The following RTL1 variants were observed in gnomAD, a reference collection of about 807,000 sequenced individuals.
RTL1 encodes retrotransposon Gag like 1, also known as retrotransposon-like protein 1.
For synonymous variants in RTL1, 727 were observed against 748.4 expected, an observed-to-expected ratio of 0.97 and a Z score of 0.47; for missense variants, 1,681 against 1,767.5, an observed-to-expected ratio of 0.95 and a Z score of 0.88.
In RTL1 at chr14:100,883,499, A is replaced by C; in HGVS notation, c.1290T>G (p.Asp430Glu). Residue 430 changes from aspartate to glutamate, a missense_variant, in exon 4 of 4, where the codon GAT (aspartate) becomes GAG (glutamate). By Grantham distance (45) the Asp-to-Glu change is conservative. Coordinates refer to ENST00000649591, the MANE Select transcript of RTL1 (RefSeq NM_001134888.3). This position sits in a 1 kb window ranked among gnomAD's most constrained non-coding sequence, Gnocchi z 5.9. ...CCATGAAGTTGCCGTCAGCTCCCGA[A>C]TCCACCAGGGCCTGGACCGCGACGC... is the stretch of plus-strand genomic sequence containing the variant. ...YHSVAVQALV[D>E]SGADGNFMDE... 6.4e-7 allele frequency: 1 copy of C among 1,551,438 alleles called. No individual in the cohort carries two copies. Among genetic ancestry groups the C allele is most frequent in the Non-Finnish European group, 8.7e-7 (1 of 1,146,966 alleles).
rs913432146 is a variant in RTL1, at chr14:100,881,476, G to C, written c.3313C>G (p.Leu1105Val). 1 of 1,551,284 alleles carries C rather than the reference G, an allele frequency of 6.4e-7. No homozygotes were observed. Among genetic ancestry groups the C allele is most frequent in the Non-Finnish European group, 8.7e-7 (1 of 1,146,980 alleles). ...ILVLLRVRQC[L>V]SLRPAPAMRV... ...ATGGCGGGTGCCGGCCGCAGCGAGAGGCATTGCCTCACGCGCAGTAGCACG... is the reference window on the plus strand; with the variant it reads ...ATGGCGGGTGCCGGCCGCAGCGAGACGCATTGCCTCACGCGCAGTAGCACG... Residue 1105 changes from leucine (L) to valine (V), a missense_variant, in exon 4 of 4, where the codon CTC becomes GTC. Physicochemically the swap from Leu to Val is conservative, Grantham distance 32. Coordinates refer to ENST00000649591, the MANE Select transcript of RTL1 (RefSeq NM_001134888.3). The surrounding 1 kb of genome is among the most constrained non-coding windows in gnomAD (Gnocchi z 6.6).
intron 2 of RTL1, among the ~76,000 whole-genome samples, chr14:100,900,406 T>C (rs1397292823): frequency 1.3e-5 from 2 of 152,234 alleles, no homozygotes; most frequent in Non-Finnish European, 2.9e-5. Flanking sequence ...GGCTCCGCTC[T>C]CCGAAATGTT....
intron 3 of RTL1, among the ~76,000 whole-genome samples, chr14:100,888,291 CTTGT>C (rs1473785166): frequency 1.3e-5 from 2 of 152,184 alleles, no homozygotes; most frequent in African/African-American, 4.8e-5. Flanking sequence ...CCAAAATGCA[CTTGT>C]TTGAGCATGT....
At chr14:100,889,131 A>T (rs954663376) in intron 3 of RTL1, among the ~76,000 whole-genome samples, 2 of 152,236 alleles carry the variant, frequency 1.3e-5, no homozygotes, top group African/African-American at 4.8e-5. Flanking sequence ...CATGATATAA[A>T]ACTTTGATCC....
Position 100,880,666 on chromosome 14 carries a change from G to A in RTL1, c.*46C>T, listed in dbSNP as rs1359252166. The A allele has an allele frequency of 1.3e-6, 2 of 1,548,924 alleles. No individual in the cohort carries two copies. Among genetic ancestry groups the A allele is most frequent in the Admixed American group, 2.0e-5 (1 of 50,830 alleles). On this transcript the variant is annotated 3_prime_UTR_variant, in exon 4 of 4. Coordinates refer to ENST00000649591, the MANE Select transcript of RTL1 (RefSeq NM_001134888.3). The stretch of plus-strand genomic sequence containing the variant: ...GGCCAGGGGACGTCGGGAGGTGTTG[G>A]GGTGAGAAATAGAGGGGACTCTTTG...
At position 100,889,427 on chromosome 14, in the gene RTL1, G is replaced by A. The variant is rs572508311; in HGVS notation, c.-87+4017C>T. Among the ~76,000 whole-genome samples the A allele has an allele frequency of 1.6e-3, 241 of 152,170 alleles. 3 individuals are homozygous for A. Among genetic ancestry groups the A allele is most frequent in the African/African-American group, 5.1e-3 (212 of 41,502 alleles). On this transcript the variant is annotated intron_variant, in intron 3 of 3. Coordinates refer to ENST00000649591, the MANE Select transcript of RTL1 (RefSeq NM_001134888.3). Reference sequence around the variant, plus strand: ...AAACTATAAAGCTGAAGTTCTTTTCGCATGAAACTAGAACTTTTCACCACC... The same window carrying A: ...AAACTATAAAGCTGAAGTTCTTTTCACATGAAACTAGAACTTTTCACCACC...
chr14:100,881,154 G>C lies in RTL1; in HGVS notation c.3635C>G (p.Pro1212Arg). The C allele has an allele frequency of 6.5e-7, 1 of 1,547,642 alleles. No individual in the cohort carries two copies. Among genetic ancestry groups the C allele is most frequent in the Non-Finnish European group, 8.7e-7 (1 of 1,144,918 alleles). The change falls in exon 4 of 4, where the codon CCT becomes CGT. Residue 1212 changes from proline (P) to arginine (R), a missense_variant. By Grantham distance (103) the Pro-to-Arg change is moderately radical. Coordinates refer to ENST00000649591, the MANE Select transcript of RTL1 (RefSeq NM_001134888.3). The surrounding 1 kb of genome is among the most constrained non-coding windows in gnomAD (Gnocchi z 6.6). ...VRVTPQEGHL[P>R]ALRQNRYLEL... ...CAGGTAGCGGTTCTGACGCAGGGCA[G>C]GGAGGTGGCCCTCCTGGGGGGTGAC...
At chr14:100,890,275 C>T (rs1195518583) in intron 3 of RTL1, among the ~76,000 whole-genome samples, 4 of 151,422 alleles carry the variant, frequency 2.6e-5, no homozygotes, top group Non-Finnish European at 5.9e-5. Context: ...TGGGTCAGGG[C>T]TGCCAACGTG....
At chr14:100,887,506 C>A (rs2038710503) in intron 3 of RTL1, among the ~76,000 whole-genome samples, 2 of 152,318 alleles carry the variant, frequency 1.3e-5, no homozygotes, top group South Asian at 4.1e-4. Flanking sequence ...GTAATCCCAG[C>A]ACTTTGGGAG....
Position 100,884,640 on chromosome 14 carries a change from C to A in RTL1, c.149G>T (p.Gly50Val), listed in dbSNP as rs2038671671. 6.2e-7 allele frequency: 1 copy of A among 1,613,536 alleles called. No homozygotes were observed. Among genetic ancestry groups the A allele is most frequent in the East Asian group, 2.2e-5 (1 of 44,876 alleles). Residue 50 changes from glycine (G) to valine (V), a missense_variant, in exon 4 of 4, where the codon GGC (glycine) becomes GTC (valine). Gly to Val is a moderately radical substitution (Grantham distance 109). Coordinates refer to ENST00000649591, the MANE Select transcript of RTL1 (RefSeq NM_001134888.3). ...GVRGEAGPAS[G>V]PAQEKKEPPS... The stretch of plus-strand genomic sequence containing the variant: ...GGGCTCCTTCTTTTCCTGGGCTGGG[C>A]CGCTGGCTGGCCCTGCCTCTCCCCG...
chr14:100,891,128 G>A (rs1487572979), intron 3 of RTL1, among the ~76,000 whole-genome samples: 2 of 152,092 alleles, frequency 1.3e-5, no homozygotes, highest in African/African-American at 2.4e-5. Flanking sequence ...CCAGTGGACT[G>A]TGGAGTCTGC....
intron 3 of RTL1, among the ~76,000 whole-genome samples, chr14:100,887,673 T>C (rs117013051): frequency 0.013 from 1,932 of 152,082 alleles, 20 homozygotes; most frequent in Middle Eastern, 0.041. Context: ...GGAGAATCGC[T>C]TGAACCTTGG....
intron 3 of RTL1, among the ~76,000 whole-genome samples, chr14:100,888,667 CTATT>C (rs1284119252): frequency 6.6e-6 from 1 of 152,180 alleles, no homozygotes; most frequent in Non-Finnish European, 1.5e-5. Flanking sequence ...TCACTGCATA[CTATT>C]TATCAAACGC....
rs1224244797 is a variant in RTL1 at position 100,883,261 on chromosome 14, G to A, written c.1528C>T (p.Arg510Ter). ...CAGTCGACTTCGGGGGCGTGGACTC[G>A]GAGCCAGCGGATGCCTAGGACCACA... ...FSVVLGIRWL[R>*]VHAPEVDWIK... The change falls in exon 4 of 4, where the codon CGA (arginine) becomes TGA (stop). Residue 510 changes from arginine (R) to a stop codon, truncating the protein, a stop_gained. Transcript: ENST00000649591. LOFTEE classifies it low-confidence loss of function (END_TRUNC). This position sits in a 1 kb window ranked among gnomAD's most constrained non-coding sequence, Gnocchi z 5.9. 1.3e-6 allele frequency: 2 copies of A among 1,551,124 alleles called. No individual in the cohort carries two copies. The highest frequency in any genetic ancestry group is 1.7e-6 in the Non-Finnish European group (2 of 1,146,752).
chr14:100,886,214 TAAA>T (rs11400270), intron 3 of RTL1, among the ~76,000 whole-genome samples: 1 of 131,822 alleles, frequency 7.6e-6, no homozygotes. Flanking sequence ...GACCCATCCG[TAAA>T]AAAAAAAAAA....
rs1459668722 is a variant in RTL1 at position 100,881,311 on chromosome 14, C to A, written c.3478G>T (p.Ala1160Ser). 3.2e-6 allele frequency: 5 copies of A among 1,550,450 alleles called. No homozygotes were observed. Among genetic ancestry groups the A allele is most frequent in the Non-Finnish European group, 4.4e-6 (5 of 1,146,996 alleles). Reference protein sequence around the residue: ...PALVGANTIPAQELAELFLGP... With the variant: ...PALVGANTIPSQELAELFLGP... ...AGGAACAGCTCAGCCAGCTCCTGGG[C>A]TGGGATGGTGTTTGCACCTACGAGA... The change falls in exon 4 of 4, where the codon GCC (alanine) becomes TCC (serine). Residue 1160 changes from alanine (A) to serine (S), a missense_variant. Physicochemically the swap from Ala to Ser is moderately conservative, Grantham distance 99. Coordinates refer to ENST00000649591, the MANE Select transcript of RTL1 (RefSeq NM_001134888.3). The surrounding 1 kb of genome is among the most constrained non-coding windows in gnomAD (Gnocchi z 6.6).
rs1441010147 is a variant in RTL1 at position 100,882,808 on chromosome 14, C to G, written c.1981G>C (p.Glu661Gln). 12 of 1,551,938 alleles carry G rather than the reference C, an allele frequency of 7.7e-6. No individual in the cohort carries two copies. The South Asian group carries it at 9.5e-5, about 12-fold the overall frequency. The change falls in exon 4 of 4, where the codon GAG (glutamate) becomes CAG (glutamine). Residue 661 changes from glutamate to glutamine, a missense_variant. Coordinates refer to ENST00000649591, the MANE Select transcript of RTL1 (RefSeq NM_001134888.3). ...PELFDQLHGA[E>Q]WFTKLELRGT... ...CGCAGCTCCAGTTTTGTGAACCACT[C>G]GGCTCCGTGTAACTGGTCAAACAGT...
At chr14:100,887,341 C>G (rs2038708652) in intron 3 of RTL1, among the ~76,000 whole-genome samples, 1 of 152,202 alleles carries the variant, frequency 6.6e-6, no homozygotes. Context: ...TTTATTCTAT[C>G]TCTTAATTAC....
At chr14:100,891,575 C>T (rs192888449) in intron 3 of RTL1, among the ~76,000 whole-genome samples, 34 of 152,318 alleles carry the variant, frequency 2.2e-4, no homozygotes, top group African/African-American at 7.7e-4. Flanking sequence ...CCCCTCTATG[C>T]TTGACTGGCA....
Sources: allele counts gnomAD v4.1 joint callset (sites outside exome capture counted in the v4.1 genomes callset), GRCh38; gene constraint gnomAD v4.1.1; non-coding constraint Gnocchi (gnomAD v3.1); transcripts MANE v1.5; gene names NCBI Gene and HGNC (gene_info 2026-07-23, HGNC 2026-07-21).